The following ALDH3B2 variants were observed in gnomAD, a reference collection of about 807,000 sequenced individuals.
ALDH3B2 encodes aldehyde dehydrogenase 3 family member B2.
ALDH3B2 carries 45 observed loss-of-function variants against 36.7 expected under a neutral mutation model. The ratio of observed to expected loss-of-function variants is 1.23; its 90% CI spans 0.97 to 1.57. The LOEUF (loss-of-function observed/expected upper bound fraction) is 1.57. Among genes scored for constraint, ALDH3B2 ranks in the 40% most tolerant of loss-of-function variants. The pLI, the probability that ALDH3B2 is intolerant of heterozygous loss-of-function variation, is 0.00. For missense variants in ALDH3B2, 464 were observed against 513.3 expected, an observed-to-expected ratio of 0.90 and a Z score of 0.93; for synonymous variants, 217 against 226.5, an observed-to-expected ratio of 0.96 and a Z score of 0.38.
At chr11:67,670,420 G>C (rs1202246279) in intron 1 of ALDH3B2, among the ~76,000 whole-genome samples, 1 of 152,102 alleles carries the variant, frequency 6.6e-6, no homozygotes, top group Non-Finnish European at 1.5e-5. Context: ...GCAGGTCACA[G>C]GGCCGTGCCC....
intron 1 of ALDH3B2, chr11:67,671,042 C>A (rs61894527): frequency 0.081 from 12,364 of 152,702 alleles, 557 homozygotes; most frequent in Non-Finnish European, 0.099. Flanking sequence ...CAGCTCCTGG[C>A]CACATCAGCT....
upstream of ALDH3B2, among the ~76,000 whole-genome samples, chr11:67,677,876 AC>A (rs1214962478): frequency 6.6e-6 from 1 of 152,174 alleles, no homozygotes; most frequent in Non-Finnish European, 1.5e-5. Context: ...AAACAAAAAA[AC>A]AAAACAAAAC....
chr11:67,675,454 C>T (rs1027957110), upstream of ALDH3B2, among the ~76,000 whole-genome samples: 1 of 152,216 alleles, frequency 6.6e-6, no homozygotes, highest in Non-Finnish European at 1.5e-5. Flanking sequence ...CTGCCACTGT[C>T]CTTCATGGAT....
chr11:67,665,790 G>A, intron 6 of ALDH3B2, 119 bp from the exon 7 acceptor site: 1 of 1,428,098 alleles, frequency 7.0e-7, no homozygotes, highest in African/African-American at 1.4e-5. Flanking sequence ...CTAGGGACAT[G>A]GTGAGGAGAC....
intron 5 of ALDH3B2, 30 bp downstream of exon 5, chr11:67,666,286 C>T (rs753399441): frequency 1.9e-6 from 3 of 1,611,282 alleles, no homozygotes; most frequent in East Asian, 2.2e-5. Context: ...ATGGGGACGT[C>T]GGGCACTGCT....
chr11:67,680,944 G>T (rs1210322161), intron 1 of ALDH3B2, among the ~76,000 whole-genome samples: 1 of 152,158 alleles, frequency 6.6e-6, no homozygotes. Context: ...TAAGGGCAGG[G>T]TTTGAGGGAT....
At chr11:67,665,129 G>C (rs546142978) in intron 7 of ALDH3B2, among the ~76,000 whole-genome samples, 156 bp downstream of exon 7, 1 of 152,342 alleles carries the variant, frequency 6.6e-6, no homozygotes, top group East Asian at 1.9e-4. Context: ...CAGAAGCACA[G>C]AGACGGAATC....
intron 7 of ALDH3B2, 97 bp downstream of exon 7, chr11:67,665,188 G>A: frequency 1.3e-6 from 2 of 1,513,824 alleles, no homozygotes; most frequent in Non-Finnish European, 1.8e-6. Flanking sequence ...GTGGGGCCGG[G>A]TTTCAGGTGC....
At chr11:67,672,079 ATATATATATG>A (rs1219300979) in intron 1 of ALDH3B2, among the ~76,000 whole-genome samples, 3 of 76,416 alleles carry the variant, frequency 3.9e-5, no homozygotes, top group African/African-American at 1.0e-4. Flanking sequence ...ATATATATAT[ATATATATATG>A]TATGTATGTA....
intron 7 of ALDH3B2, 151 bp downstream of exon 7, chr11:67,665,134 G>A (rs751541686): frequency 2.7e-5 from 37 of 1,369,852 alleles, no homozygotes; most frequent in Non-Finnish European, 3.3e-5. Context: ...GCACAGAGAC[G>A]GAATCGTGGC....
upstream of ALDH3B2, among the ~76,000 whole-genome samples, chr11:67,675,839 T>C (rs1021561224): frequency 6.6e-6 from 1 of 152,240 alleles, no homozygotes; most frequent in African/African-American, 2.4e-5. Flanking sequence ...TTGTATGGGA[T>C]GTGAATGCTA....
upstream of ALDH3B2, among the ~76,000 whole-genome samples, chr11:67,675,719 G>A (rs1055603961): frequency 6.6e-6 from 1 of 152,216 alleles, no homozygotes; most frequent in Non-Finnish European, 1.5e-5. Context: ...GATGGGGAAG[G>A]GAATACAGGG....
At chr11:67,670,226 CTG>C (rs1565249264) in intron 1 of ALDH3B2, among the ~76,000 whole-genome samples, 25 of 98,206 alleles carry the variant, frequency 2.5e-4, no homozygotes, top group African/African-American at 9.2e-4. Context: ...CCACGTGTGT[CTG>C]TGTGTGTATG....
upstream of ALDH3B2, among the ~76,000 whole-genome samples, chr11:67,677,814 C>A (rs1591151145): frequency 6.6e-6 from 1 of 152,050 alleles, no homozygotes; most frequent in East Asian, 1.9e-4. Flanking sequence ...CAACAGCGAC[C>A]AAGCAGAGAA....
upstream of ALDH3B2, among the ~76,000 whole-genome samples, chr11:67,679,611 C>A (rs1241263721): frequency 6.6e-6 from 1 of 151,606 alleles, no homozygotes. Flanking sequence ...AACCCTGTCT[C>A]TACTAAAAAT....
chr11:67,681,191 G>C (rs1255164810), exon 1 of ALDH3B2: 2 of 152,264 alleles, frequency 1.3e-5, no homozygotes, highest in Non-Finnish European at 2.9e-5. Flanking sequence ...TGGTGGAAGG[G>C]GAAGCAACCA....
At chr11:67,665,476 C>A (rs1421229644) in exon 7 of ALDH3B2, 1 of 1,614,076 alleles carries the variant, frequency 6.2e-7, no homozygotes, top group Middle Eastern at 1.7e-4. Flanking sequence ...CATCTCGGGG[C>A]TGCACAGGAC....
intron 4 of ALDH3B2, 65 bp downstream of exon 4, chr11:67,666,509 C>G: frequency 6.2e-7 from 1 of 1,608,938 alleles, no homozygotes; most frequent in East Asian, 2.2e-5. Context: ...GAGCAAGATT[C>G]CAGGGGCCTC....
intron 1 of ALDH3B2, among the ~76,000 whole-genome samples, chr11:67,680,260 G>C (rs1387473608): frequency 2.6e-5 from 4 of 152,202 alleles, no homozygotes; most frequent in African/African-American, 9.7e-5. Context: ...CTTGCAGTAA[G>C]CCGAGATTGC....
Sources: allele counts gnomAD v4.1 joint callset (sites outside exome capture counted in the v4.1 genomes callset), GRCh38; gene constraint gnomAD v4.1.1; transcripts MANE v1.5; gene names NCBI Gene and HGNC (gene_info 2026-07-23, HGNC 2026-07-21).